The following SLC14A2 variants were observed in gnomAD, a reference collection of about 807,000 sequenced individuals.
The protein encoded by SLC14A2 is solute carrier family 14 member 2.
In SLC14A2, 91 loss-of-function variants were observed where a neutral mutation model predicts 104.6. The observed-to-expected ratio is 0.87, with a 90% CI of 0.73 to 1.04. SLC14A2 has a LOEUF of 1.04. SLC14A2 is among the 50% of genes least tolerant of loss of function. The pLI is 0.00. For missense variants in SLC14A2, 1,189 were observed against 1,156.0 expected (o/e 1.03, Z -0.41); for synonymous variants, 476 against 466.4 (o/e 1.02, Z -0.27).
intron 2 of SLC14A2, among the ~76,000 whole-genome samples, chr18:45,557,853 A>AGAG (rs375796116): frequency 3.9e-5 from 6 of 152,250 alleles, no homozygotes; most frequent in African/African-American, 1.4e-4. Context: ...GGCACTTAGG[A>AGAG]GAGACCCTTC....
rs976522838 is a variant in SLC14A2 at position 45,226,590 on chromosome 18, G to T, written c.-125+13399G>T. On this transcript the variant is annotated intron_variant, in intron 1 of 20. Coordinates refer to the SLC14A2 transcript ENST00000586448. ...AAGGACAGAAAACCAAACACTGCAT[G>T]TTCTCACTCATAGGTGGGAATTGAA... Among the ~76,000 whole-genome samples the T allele has an allele frequency of 1.4e-5, 2 of 147,140 alleles. 1 individual carries two copies. The highest frequency in any genetic ancestry group is 4.3e-4 in the South Asian group (2 of 4,636).
chr18:45,662,159 C>A (rs557665367), intron 10 of SLC14A2, among the ~76,000 whole-genome samples: 1 of 152,060 alleles, frequency 6.6e-6, no homozygotes, highest in Non-Finnish European at 1.5e-5. Flanking sequence ...AAAAATTAGC[C>A]GGGTGTGATG....
intron 1 of SLC14A2, among the ~76,000 whole-genome samples, chr18:45,623,933 A>T (rs531120563): frequency 6.6e-6 from 1 of 152,200 alleles, no homozygotes; most frequent in Non-Finnish European, 1.5e-5. Flanking sequence ...AGAGTACAGC[A>T]CTACCAAGGG....
chr18:45,443,604 T>C (rs1025099510), intron 1 of SLC14A2, among the ~76,000 whole-genome samples: 2 of 152,070 alleles, frequency 1.3e-5, no homozygotes, highest in Non-Finnish European at 2.9e-5. Flanking sequence ...GAGTAATCTT[T>C]GTAGGTTTTA....
chr18:45,500,869 A>G lies in SLC14A2; in HGVS notation c.-35+17547A>G, dbSNP rs561272492. Among the ~76,000 whole-genome samples the G allele has an allele frequency of 2.6e-5, 4 of 152,332 alleles. 1 individual carries two copies. The highest frequency in any genetic ancestry group is 9.6e-5 in the African/African-American group (4 of 41,574). On this transcript the variant is annotated intron_variant, in intron 2 of 20. Coordinates refer to the SLC14A2 transcript ENST00000586448. Reference sequence around the variant, plus strand: ...GATTTTCACAGCACTATGAGAAGGAAGGGATCAGCTATTGTCTTGTGAGAA... The same window carrying G: ...GATTTTCACAGCACTATGAGAAGGAGGGGATCAGCTATTGTCTTGTGAGAA...
At chr18:45,171,674 C>G in the SLC14A2 span, among the ~76,000 whole-genome samples, 1 of 152,148 alleles carries the variant, frequency 6.6e-6, no homozygotes, top group South Asian at 2.1e-4. Context: ...AACCAGAACT[C>G]TGATCTAATT....
upstream of SLC14A2, among the ~76,000 whole-genome samples, chr18:45,614,055 C>A (rs1270257891): frequency 6.6e-6 from 1 of 152,202 alleles, no homozygotes; most frequent in Non-Finnish European, 1.5e-5. Context: ...GGAGGAAAAA[C>A]AATGGGCTGG....
intron 2 of SLC14A2, among the ~76,000 whole-genome samples, chr18:45,501,908 T>C (rs1371123275): frequency 6.6e-6 from 1 of 152,228 alleles, no homozygotes; most frequent in Admixed American, 6.5e-5. Context: ...AACCCTGATT[T>C]CTTCCTCTTA....
intron 8 of SLC14A2, among the ~76,000 whole-genome samples, chr18:45,642,214 C>A (rs2045540159): frequency 6.6e-6 from 1 of 152,216 alleles, no homozygotes; most frequent in Non-Finnish European, 1.5e-5. Flanking sequence ...GGAACAGCTT[C>A]TCTTTTGTTT....
At chr18:45,428,897 G>A (rs1273845937) in intron 1 of SLC14A2, among the ~76,000 whole-genome samples, 2 of 152,164 alleles carry the variant, frequency 1.3e-5, no homozygotes, top group Non-Finnish European at 2.9e-5. Flanking sequence ...CTAGATTTCT[G>A]GGAAGAGATG....
At chr18:45,412,263 G>C (rs1274299399) in intron 1 of SLC14A2, among the ~76,000 whole-genome samples, 1 of 152,130 alleles carries the variant, frequency 6.6e-6, no homozygotes, top group Non-Finnish European at 1.5e-5. Flanking sequence ...TTTCCACAGT[G>C]AACAATGTTT....
At chr18:45,646,128 T>C (rs909326916) in intron 10 of SLC14A2, 3 of 152,182 alleles carry the variant, frequency 2.0e-5, no homozygotes, top group Non-Finnish European at 2.9e-5. Flanking sequence ...GCCTTCTACA[T>C]TGTCTGGGAA....
rs149341098 is a variant in SLC14A2 at position 45,669,421 on chromosome 18, C to A, written c.2152C>A (p.Leu718Ile). The A allele has an allele frequency of 1.1e-4, 172 of 1,614,160 alleles. 1 individual carries two copies. The highest frequency in any genetic ancestry group is 1.6e-4 in the Middle Eastern group (1 of 6,062). Residue 718 changes from leucine (L) to isoleucine (I), a missense_variant, in exon 16 of 20, where the codon CTT becomes ATT. Leu to Ile is a conservative substitution (Grantham distance 5). Coordinates refer to ENST00000255226, the MANE Select transcript of SLC14A2 (RefSeq NM_007163.4). ...CCTGGCAGCCACGGGCCACTACAAC[C>A]TTTTCTTCCCCACAACGCTGCTGCA... ...LYLAATGHYN[L>I]FFPTTLLQPA...
intron 1 of SLC14A2, among the ~76,000 whole-genome samples, chr18:45,264,710 G>C (rs2084574373): frequency 6.6e-6 from 1 of 152,114 alleles, no homozygotes; most frequent in Non-Finnish European, 1.5e-5. Context: ...TTCACTACAC[G>C]AGAAAAATAT....
chr18:45,659,961 CAAAAAA>C (rs11456560), intron 10 of SLC14A2, among the ~76,000 whole-genome samples: 4 of 104,812 alleles, frequency 3.8e-5, no homozygotes, highest in African/African-American at 1.1e-4. Flanking sequence ...ACTGGCTCTA[CAAAAAA>C]AAAAAAAAAA....
At chr18:45,618,592 C>T (rs1226895786) in intron 1 of SLC14A2, among the ~76,000 whole-genome samples, 1 of 141,970 alleles carries the variant, frequency 7.0e-6, no homozygotes, top group Non-Finnish European at 1.5e-5. Flanking sequence ...TTGCTTGAAC[C>T]TGGGAGGAGG....
intron 19 of SLC14A2, among the ~76,000 whole-genome samples, chr18:45,680,527 A>T (rs16978447): frequency 0.023 from 3,513 of 152,346 alleles, 86 homozygotes; most frequent in African/African-American, 0.063. Context: ...AATGACATTT[A>T]TGGGACCATC....
rs150722236 is a variant in SLC14A2 at position 45,450,824 on chromosome 18, C to T, written c.-124-32409C>T. On this transcript the variant is annotated intron_variant, in intron 1 of 20. Transcript: ENST00000586448. ...GTGCAAACCATTCAGTCAAGAATTG[C>T]AGGTAACACCAGGAGACAAATGGGG... 3.9e-4 allele frequency among the ~76,000 whole-genome samples: 59 copies of T among 152,288 alleles called. 1 individual carries two copies. The highest frequency in any genetic ancestry group is 7.2e-4 in the Admixed American group (11 of 15,290).
chr18:45,208,627 C>T (rs73423853), upstream of SLC14A2, among the ~76,000 whole-genome samples: 6,938 of 152,090 alleles, frequency 0.046, 181 homozygotes, highest in African/African-American at 0.065. Context: ...CTGAAGAGCC[C>T]GCCTTACAGA....
Sources: gnomAD v4.1 joint callset for allele counts (sites outside exome capture counted in the v4.1 genomes callset) on GRCh38, gnomAD v4.1.1 for gene constraint, MANE v1.5 for transcripts, NCBI Gene and HGNC (gene_info 2026-07-23, HGNC 2026-07-21) for gene names.